Variants in PRKN observed in about 807,000 individuals in gnomAD.
PRKN encodes the protein E3 ubiquitin-protein ligase parkin.
A neutral mutation model predicts 59.5 loss-of-function variants in PRKN; 56 were observed. The observed-to-expected ratio is 0.94, with a 90% CI of 0.76 to 1.18. The LOEUF is 1.18. Among genes scored for constraint, PRKN ranks in the 50% most tolerant of loss-of-function variants. The pLI is 0.00. For synonymous variants in PRKN, 250 were observed against 222.1 expected (o/e 1.13, Z -1.12); for missense variants, 657 against 596.4 (o/e 1.10, Z -1.06).
At chr6:162,108,397 T>G (rs1583043348) in intron 4 of PRKN, among the ~76,000 whole-genome samples, 1 of 152,192 alleles carries the variant, frequency 6.6e-6, no homozygotes, top group East Asian at 1.9e-4. Context: ...ATGTGTGTAT[T>G]TACTATAATT....
intron 1 of PRKN, among the ~76,000 whole-genome samples, chr6:162,477,555 T>G (rs1792082219): frequency 6.6e-6 from 1 of 152,206 alleles, no homozygotes; most frequent in Admixed American, 6.5e-5. Flanking sequence ...AAACCATCTT[T>G]GGTGACTCCC....
chr6:162,103,437 T>C (rs1780060942), intron 4 of PRKN, among the ~76,000 whole-genome samples: 1 of 152,140 alleles, frequency 6.6e-6, no homozygotes, highest in African/African-American at 2.4e-5. Context: ...AAGCACTTAT[T>C]ATCTCTTATA....
intron 7 of PRKN, among the ~76,000 whole-genome samples, chr6:161,700,369 T>C: frequency 6.6e-6 from 1 of 152,124 alleles, no homozygotes; most frequent in African/African-American, 2.4e-5. Flanking sequence ...AGTCCAATTA[T>C]TTCTCCCACC....
At chr6:161,998,760 T>A (rs1177552151) in intron 5 of PRKN, among the ~76,000 whole-genome samples, 1 of 152,180 alleles carries the variant, frequency 6.6e-6, no homozygotes, top group Non-Finnish European at 1.5e-5. Context: ...CCAATCCCGT[T>A]ATACATACTT....
intron 2 of PRKN, among the ~76,000 whole-genome samples, chr6:162,393,592 AC>A (rs1296561270): frequency 1.3e-5 from 2 of 152,210 alleles, no homozygotes; most frequent in Non-Finnish European, 2.9e-5. Flanking sequence ...ACATAATACC[AC>A]CAACTACCAC....
At chr6:161,760,554 C>T (rs1044354356) in intron 7 of PRKN, among the ~76,000 whole-genome samples, 4 of 151,850 alleles carry the variant, frequency 2.6e-5, no homozygotes, top group East Asian at 3.9e-4. Context: ...TCAGGCTGAG[C>T]GCCGGAAGCC....
intron 7 of PRKN, among the ~76,000 whole-genome samples, chr6:161,760,492 T>C (rs1407944842): frequency 3.3e-5 from 5 of 151,892 alleles, no homozygotes; most frequent in Non-Finnish European, 5.9e-5. Context: ...CAGCCTGCCC[T>C]CTGCAGTGGG....
chr6:162,643,644 A>G (rs188859887), intron 1 of PRKN, among the ~76,000 whole-genome samples: 145 of 152,232 alleles, frequency 9.5e-4, no homozygotes, highest in African/African-American at 3.4e-3. Context: ...CACCTCTAAT[A>G]AAAAGCAATC....
chr6:161,610,463 C>T (rs1377505712), intron 7 of PRKN, among the ~76,000 whole-genome samples: 1 of 145,132 alleles, frequency 6.9e-6, no homozygotes. Context: ...TAATATATAA[C>T]TAAGAAAAAT....
intron 9 of PRKN, among the ~76,000 whole-genome samples, chr6:161,418,289 C>T (rs905291941): frequency 1.3e-5 from 2 of 152,316 alleles, no homozygotes; most frequent in African/African-American, 4.8e-5. Flanking sequence ...AACATCTTTC[C>T]TTGGCACTTG....
At chr6:162,025,874 G>C (rs2849568) in intron 5 of PRKN, among the ~76,000 whole-genome samples, 152,043 of 152,064 alleles carry the variant, frequency 1, 76,011 homozygotes, top group Middle Eastern at 1. Flanking sequence ...CAGACATGAG[G>C]CACTGCCCCC....
intron 7 of PRKN, among the ~76,000 whole-genome samples, chr6:161,679,588 A>T: frequency 7.2e-6 from 1 of 138,074 alleles, no homozygotes; most frequent in Non-Finnish European, 1.5e-5. Flanking sequence ...TTAAACACCA[A>T]CCTAGACATC....
At chr6:161,942,496 A>G (rs1178596694) in intron 6 of PRKN, among the ~76,000 whole-genome samples, 2 of 152,180 alleles carry the variant, frequency 1.3e-5, no homozygotes, top group Non-Finnish European at 2.9e-5. Flanking sequence ...GCGCCATTGT[A>G]TTCCAGCTTG....
At position 162,605,959 on chromosome 6, in the gene PRKN, T is replaced by C. The variant is rs528293004; in HGVS notation, c.7+121703A>G. On this transcript the variant is annotated intron_variant, in intron 1 of 11. Transcript: ENST00000366898. ...TATATTCAGTGACAAAAATTTTATG[T>C]AACCAAAATGCCACTGAATTCAAAT... 5.3e-5 allele frequency among the ~76,000 whole-genome samples: 8 copies of C among 152,302 alleles called. No homozygotes were observed. In the South Asian group the frequency reaches 1.7e-3, roughly 32 times the overall value.
intron 9 of PRKN, among the ~76,000 whole-genome samples, chr6:161,477,644 G>A (rs1791170095): frequency 6.6e-6 from 1 of 152,182 alleles, no homozygotes; most frequent in South Asian, 2.1e-4. Flanking sequence ...ATCATTGGAA[G>A]TGTGAAAGGA....
intron 2 of PRKN, among the ~76,000 whole-genome samples, chr6:162,297,460 A>G (rs1191232177): frequency 1.3e-5 from 2 of 152,160 alleles, no homozygotes; most frequent in African/African-American, 4.8e-5. Context: ...CAATTCTACA[A>G]GATTGGATTT....
chr6:162,327,761 G>C (rs1002137679), intron 2 of PRKN, among the ~76,000 whole-genome samples: 1 of 152,040 alleles, frequency 6.6e-6, no homozygotes, highest in African/African-American at 2.4e-5. Context: ...AGTTTTTTTC[G>C]GAGATCAGAC....
intron 1 of PRKN, among the ~76,000 whole-genome samples, chr6:162,544,290 T>C (rs530178219): frequency 6.6e-6 from 1 of 152,226 alleles, no homozygotes; most frequent in South Asian, 2.1e-4. Context: ...CTAATAGTCT[T>C]TAGCACTCCC....
At chr6:162,139,950 T>C (rs749711868) in intron 4 of PRKN, among the ~76,000 whole-genome samples, 1 of 151,958 alleles carries the variant, frequency 6.6e-6, no homozygotes, top group African/African-American at 2.4e-5. Flanking sequence ...TTAGTACAAA[T>C]GTCCAAATAT....
Sources: gnomAD v4.1 joint callset for allele counts (sites outside exome capture counted in the v4.1 genomes callset) on GRCh38, gnomAD v4.1.1 for gene constraint, MANE v1.5 for transcripts, NCBI Gene and HGNC (gene_info 2026-07-23, HGNC 2026-07-21) for gene names.